Variants in POLR3B observed in about 807,000 individuals in gnomAD.
POLR3B encodes DNA-directed RNA polymerase III subunit RPC2.
POLR3B carries 96 observed loss-of-function variants against 147.4 expected under a neutral mutation model. The ratio of observed to expected loss-of-function variants is 0.65; its 90% CI spans 0.55 to 0.77. The LOEUF is 0.77. POLR3B is among the 30% of genes least tolerant of loss of function. POLR3B has a pLI of 0.00. For synonymous variants in POLR3B, 461 were observed against 485.9 expected (o/e 0.95, Z 0.67); for missense variants, 1,036 against 1,413.5 (o/e 0.73, Z 4.28).
intron 24 of POLR3B, 44 bp downstream of exon 24, chr12:106,496,202 G>A: frequency 8.6e-7 from 1 of 1,158,716 alleles, no homozygotes; most frequent in South Asian, 1.2e-5. Flanking sequence ...CTTTAAGGAA[G>A]AAGCAGGCAG....
chr12:106,364,006 T>G, intron 2 of POLR3B, 104 bp downstream of exon 2: 1 of 834,290 alleles, frequency 1.2e-6, no homozygotes, highest in Non-Finnish European at 2.0e-6. Context: ...CATTTTTTGA[T>G]TTTGTATAGC....
At chr12:106,432,576 T>A in intron 15 of POLR3B, 96 bp downstream of exon 15, 1 of 1,024,522 alleles carries the variant, frequency 9.8e-7, no homozygotes, top group Non-Finnish European at 1.5e-6. Context: ...AGATAGACTT[T>A]AATTCTGGGC....
intron 22 of POLR3B, among the ~76,000 whole-genome samples, chr12:106,461,340 A>G (rs1592754386): frequency 6.6e-6 from 1 of 152,072 alleles, no homozygotes; most frequent in African/African-American, 2.4e-5. Flanking sequence ...TGATCTGCCC[A>G]CCTTGGCCTC....
chr12:106,454,161 G>A (rs987127978), intron 19 of POLR3B, among the ~76,000 whole-genome samples: 1 of 152,102 alleles, frequency 6.6e-6, no homozygotes, highest in Admixed American at 6.6e-5. Context: ...TCCCCAGCAG[G>A]CCTGGAACAC....
At chr12:106,388,861 T>C (rs2036877845) in intron 9 of POLR3B, among the ~76,000 whole-genome samples, 1 of 152,232 alleles carries the variant, frequency 6.6e-6, no homozygotes, top group South Asian at 2.1e-4. Context: ...GTATTCTTTT[T>C]GTCTTTAAAA....
At chr12:106,429,747 C>T (rs1363622845) in intron 13 of POLR3B, among the ~76,000 whole-genome samples, 1 of 151,994 alleles carries the variant, frequency 6.6e-6, no homozygotes, top group East Asian at 1.9e-4. Flanking sequence ...AATTAAGAAG[C>T]CTTCAGTTTG....
chr12:106,475,290 G>A (rs2038150228), intron 23 of POLR3B, among the ~76,000 whole-genome samples: 1 of 115,942 alleles, frequency 8.6e-6, no homozygotes, highest in Non-Finnish European at 1.7e-5. Context: ...TTCCAACTAT[G>A]TGGTCAGTTT....
At chr12:106,476,056 G>A (rs2038165453) in intron 23 of POLR3B, among the ~76,000 whole-genome samples, 1 of 149,492 alleles carries the variant, frequency 6.7e-6, no homozygotes, top group Non-Finnish European at 1.5e-5. Flanking sequence ...TTTTAGGGCA[G>A]GCCTGGTGGT....
Position 106,420,108 on chromosome 12 carries a change from A to G in POLR3B, c.1102-7089A>G, listed in dbSNP as rs2037355562. 2.6e-5 allele frequency among the ~76,000 whole-genome samples: 4 copies of G among 152,186 alleles called. No homozygotes were observed. In the South Asian group the frequency reaches 8.3e-4, roughly 32 times the overall value. On this transcript the variant is annotated intron_variant, in intron 12 of 27. Transcript: ENST00000228347. ...ATCTAAGAGTAAGTGTTTCCCATAGACAAGAAACTGTGTGACCTTAGTGAC... is the reference window on the plus strand; with the variant it reads ...ATCTAAGAGTAAGTGTTTCCCATAGGCAAGAAACTGTGTGACCTTAGTGAC...
chr12:106,371,412 C>A (rs190803056), intron 6 of POLR3B, among the ~76,000 whole-genome samples: 10 of 151,858 alleles, frequency 6.6e-5, no homozygotes, highest in Non-Finnish European at 2.9e-5. Context: ...CTAGAAATAC[C>A]ATTTGACCCA....
At chr12:106,434,019 T>C (rs1261059954) in intron 16 of POLR3B, 147 bp downstream of exon 16, 10 of 680,736 alleles carry the variant, frequency 1.5e-5, no homozygotes, top group Non-Finnish European at 2.5e-5. Flanking sequence ...ACTTCATGAA[T>C]ATGCATATTA....
chr12:106,419,592 T>C (rs547948104), intron 12 of POLR3B, among the ~76,000 whole-genome samples: 1 of 152,280 alleles, frequency 6.6e-6, no homozygotes, highest in East Asian at 1.9e-4. Flanking sequence ...ATGCCCCCCA[T>C]ATTACTTTAA....
chr12:106,462,377 A>T (rs1403717536), intron 22 of POLR3B, among the ~76,000 whole-genome samples: 1 of 152,166 alleles, frequency 6.6e-6, no homozygotes, highest in African/African-American at 2.4e-5. Flanking sequence ...CCTCCTGAAT[A>T]GCTGTGATTA....
chr12:106,405,830 A>G (rs2037143787), intron 10 of POLR3B, 27 bp from the exon 11 acceptor site: 1 of 1,609,816 alleles, frequency 6.2e-7, no homozygotes, highest in African/African-American at 1.3e-5. Flanking sequence ...ATGTCATTCA[A>G]ACATTATTGT....
intron 4 of POLR3B, among the ~76,000 whole-genome samples, chr12:106,367,646 A>T (rs1438508667): frequency 1.3e-5 from 2 of 152,158 alleles, no homozygotes. Flanking sequence ...GCAATGTTTT[A>T]TGCTGTTCTC....
At chr12:106,470,771 G>T (rs11834714) in intron 23 of POLR3B, among the ~76,000 whole-genome samples, 4,007 of 152,032 alleles carry the variant, frequency 0.026, 184 homozygotes, top group African/African-American at 0.091. Context: ...TTTTTGCCTG[G>T]GTATCACCAA....
intron 18 of POLR3B, among the ~76,000 whole-genome samples, chr12:106,439,261 T>G (rs1228797515): frequency 6.6e-6 from 1 of 152,058 alleles, no homozygotes; most frequent in Non-Finnish European, 1.5e-5. Context: ...CCTGTAGTCC[T>G]AGCTACTTGG....
At chr12:106,388,366 A>G (rs965598606) in intron 9 of POLR3B, among the ~76,000 whole-genome samples, 6 of 151,500 alleles carry the variant, frequency 4.0e-5, no homozygotes, top group African/African-American at 4.8e-5. Context: ...TCACCAGGCT[A>G]GAGTGCAGTG....
Position 106,412,786 on chromosome 12 carries a change from A to G in POLR3B, c.1101+1826A>G, listed in dbSNP as rs144850494. Among the ~76,000 whole-genome samples the G allele has an allele frequency of 4.5e-3, 689 of 152,294 alleles. 3 individuals are homozygous for G. The highest frequency in any genetic ancestry group is 0.016 in the African/African-American group (657 of 41,568). ...AAAATTTGAGTCACTACACATTCCT[A>G]CTTGCAGTCTAACAAGGCAATGTTC... On this transcript the variant is annotated intron_variant, in intron 12 of 27. Transcript: ENST00000228347.
Sources: allele counts gnomAD v4.1 joint callset (sites outside exome capture counted in the v4.1 genomes callset), GRCh38; gene constraint gnomAD v4.1.1; transcripts MANE v1.5; gene names NCBI Gene and HGNC (gene_info 2026-07-23, HGNC 2026-07-21).